The following LRRC4C variants were observed in gnomAD, a reference collection of about 807,000 sequenced individuals.
LRRC4C encodes leucine rich repeat containing 4C.
Under a neutral mutation model 33.6 loss-of-function variants are expected in LRRC4C, and 5 were observed. The observed-to-expected ratio is 0.15, with a 90% confidence interval of 0.08 to 0.31. The LOEUF is 0.31. LRRC4C is among the 10% of genes least tolerant of loss of function. LRRC4C has a pLI of 1.00. For synonymous variants in LRRC4C, 329 were observed against 302.0 expected (o/e 1.09, Z -0.93); for missense variants, 560 against 796.7 (o/e 0.70, Z 3.58).
chr11:40,666,045 G>C (rs1013371528), intron 2 of LRRC4C, among the ~76,000 whole-genome samples: 1 of 151,904 alleles, frequency 6.6e-6, no homozygotes, highest in African/African-American at 2.4e-5. Flanking sequence ...TACAGGTCCT[G>C]GTTTATTATG....
intron 5 of LRRC4C, among the ~76,000 whole-genome samples, chr11:40,177,117 C>G (rs991412647): frequency 6.6e-6 from 1 of 151,770 alleles, no homozygotes; most frequent in African/African-American, 2.4e-5. Flanking sequence ...CCATGTCCAG[C>G]TAATTTTTTG....
intron 1 of LRRC4C, among the ~76,000 whole-genome samples, chr11:41,192,345 T>TGCGC (rs1215164568): frequency 6.6e-6 from 1 of 151,704 alleles, no homozygotes; most frequent in African/African-American, 2.4e-5. Context: ...TGTGTGTGTG[T>TGCGC]GTGTGTGTTC....
At chr11:40,160,805 C>G (rs1565071084) in intron 5 of LRRC4C, among the ~76,000 whole-genome samples, 1 of 152,112 alleles carries the variant, frequency 6.6e-6, no homozygotes, top group Non-Finnish European at 1.5e-5. Flanking sequence ...TACTTCTCAC[C>G]TATTTTCCCT....
chr11:41,312,126 C>T (rs1230950251), intron 1 of LRRC4C, among the ~76,000 whole-genome samples: 4 of 152,048 alleles, frequency 2.6e-5, no homozygotes, highest in African/African-American at 7.2e-5. Flanking sequence ...AAGTGGATGA[C>T]CAAAAAGGAG....
intron 1 of LRRC4C, among the ~76,000 whole-genome samples, chr11:41,172,254 A>G (rs1222927499): frequency 6.6e-6 from 1 of 152,156 alleles, no homozygotes; most frequent in Non-Finnish European, 1.5e-5. Context: ...CATCAATTCA[A>G]TATTCATGAC....
At chr11:40,655,571 G>A (rs377181326) in intron 2 of LRRC4C, among the ~76,000 whole-genome samples, 2 of 152,134 alleles carry the variant, frequency 1.3e-5, no homozygotes, top group East Asian at 1.9e-4. Context: ...ATATTGTACT[G>A]TTGCCTCTGA....
chr11:41,413,863 A>T (rs1444216189), intron 1 of LRRC4C, among the ~76,000 whole-genome samples: 1 of 152,188 alleles, frequency 6.6e-6, no homozygotes, highest in Non-Finnish European at 1.5e-5. Flanking sequence ...CTATAGCAAG[A>T]TTTGTGAGAA....
rs1951421696 is a variant in LRRC4C at position 40,442,088 on chromosome 11, A to G, written c.-269-122367T>C. 3.0e-5 allele frequency among the ~76,000 whole-genome samples: 4 copies of G among 134,922 alleles called. No homozygotes were observed. In the South Asian group the frequency reaches 9.7e-4, roughly 33 times the overall value. 88.5% of individuals were successfully genotyped at this position (134,922 alleles called of 152,430 possible). Reference sequence around the variant, plus strand: ...TGAGGCAGGAGAACGGTGTGAACCCAGGAGGTGGAGCTTGCAATGAGCAGA... The same window carrying G: ...TGAGGCAGGAGAACGGTGTGAACCCGGGAGGTGGAGCTTGCAATGAGCAGA... On this transcript the variant is annotated intron_variant, in intron 3 of 6. Coordinates refer to ENST00000528697, the MANE Select transcript of LRRC4C (RefSeq NM_001258419.2).
At chr11:41,119,563 C>G (rs1272178185) in intron 1 of LRRC4C, among the ~76,000 whole-genome samples, 1 of 152,188 alleles carries the variant, frequency 6.6e-6, no homozygotes, top group Non-Finnish European at 1.5e-5. Flanking sequence ...CGTCATGCCA[C>G]TAATGGCTCT....
chr11:40,305,037 T>G (rs1944961881), intron 4 of LRRC4C, among the ~76,000 whole-genome samples: 1 of 152,188 alleles, frequency 6.6e-6, no homozygotes, highest in Non-Finnish European at 1.5e-5. Flanking sequence ...AGTGCTGGGA[T>G]TACAGGCATC....
intron 3 of LRRC4C, among the ~76,000 whole-genome samples, chr11:40,329,487 G>C (rs1270936581): frequency 1.3e-5 from 2 of 152,082 alleles, no homozygotes; most frequent in Admixed American, 6.6e-5. Context: ...CAGGAATCAG[G>C]GTTTCTGGGT....
At chr11:41,218,345 T>C (rs1947154087) in intron 1 of LRRC4C, among the ~76,000 whole-genome samples, 1 of 152,168 alleles carries the variant, frequency 6.6e-6, no homozygotes, top group South Asian at 2.1e-4. Context: ...CTTTCCTGCT[T>C]TTTTACAATG....
intron 1 of LRRC4C, among the ~76,000 whole-genome samples, chr11:41,007,622 C>T (rs1046936009): frequency 6.6e-6 from 1 of 151,990 alleles, no homozygotes; most frequent in African/African-American, 2.4e-5. Context: ...GAATACAAGG[C>T]AAATCCATGA....
intron 3 of LRRC4C, among the ~76,000 whole-genome samples, chr11:40,575,515 A>T (rs766390155): frequency 1.3e-5 from 2 of 152,156 alleles, no homozygotes; most frequent in Non-Finnish European, 2.9e-5. Context: ...AATGTTAGGA[A>T]GGGTTCCAAG....
intron 3 of LRRC4C, among the ~76,000 whole-genome samples, chr11:40,606,004 A>G (rs1349955048): frequency 6.6e-6 from 1 of 152,164 alleles, no homozygotes; most frequent in East Asian, 1.9e-4. Flanking sequence ...GAAAGAGTTG[A>G]GTGGCTCGTG....
At chr11:40,447,571 G>A (rs1466922414) in intron 3 of LRRC4C, among the ~76,000 whole-genome samples, 1 of 152,058 alleles carries the variant, frequency 6.6e-6, no homozygotes, top group Non-Finnish European at 1.5e-5. Context: ...TTTCACACAA[G>A]AATTGAGAAG....
intron 1 of LRRC4C, among the ~76,000 whole-genome samples, chr11:41,265,981 C>T (rs1046700578): frequency 2.0e-5 from 3 of 151,914 alleles, no homozygotes; most frequent in Non-Finnish European, 4.4e-5. Context: ...AATCACTTTG[C>T]TATTGCTTTG....
At chr11:40,494,332 T>C (rs1418684221) in intron 3 of LRRC4C, among the ~76,000 whole-genome samples, 1 of 152,216 alleles carries the variant, frequency 6.6e-6, no homozygotes, top group Non-Finnish European at 1.5e-5. Flanking sequence ...TCTACAAAGT[T>C]CATGTTTGCC....
chr11:40,459,164 C>T (rs1952272633), intron 3 of LRRC4C, among the ~76,000 whole-genome samples: 1 of 152,164 alleles, frequency 6.6e-6, no homozygotes, highest in Non-Finnish European at 1.5e-5. Flanking sequence ...TATACACAAT[C>T]ATTGACTTCT....
Sources: allele counts gnomAD v4.1 joint callset (sites outside exome capture counted in the v4.1 genomes callset), GRCh38; gene constraint gnomAD v4.1.1; transcripts MANE v1.5; gene names NCBI Gene and HGNC (gene_info 2026-07-23, HGNC 2026-07-21).